Variants in JAKMIP1 observed in about 807,000 individuals in gnomAD.
JAKMIP1 encodes janus kinase and microtubule interacting protein 1.
JAKMIP1 carries 33 observed loss-of-function variants against 113.0 expected under a neutral mutation model. The observed-to-expected ratio is 0.29, with a 90% confidence interval of 0.22 to 0.39. The LOEUF (loss-of-function observed/expected upper bound fraction) is 0.39, where lower values mean the gene tolerates loss of function less well. JAKMIP1 is among the 10% of genes least tolerant of loss of function. JAKMIP1 has a pLI of 1.00. For missense variants in JAKMIP1, 813 were observed against 1,080.5 expected (o/e 0.75, Z 3.47); for synonymous variants, 480 against 459.9 (o/e 1.04, Z -0.56).
chr4:6,190,112 AGGAT>A lies in JAKMIP1; in HGVS notation c.-148+10137_-148+10140del, dbSNP rs528036327. On this transcript the variant is annotated intron_variant, in intron 1 of 20. Coordinates refer to ENST00000409021, the MANE Select transcript of JAKMIP1 (RefSeq NM_001099433.2). ...GTCTCCCCACTCCTGGGGCCCAAGA[AGGAT>A]GGAGAAGTGGCACCCGAGGAGCAGT... Among the ~76,000 whole-genome samples, 27 of 152,298 alleles carry A rather than the reference AGGAT, an allele frequency of 1.8e-4. No individual in the cohort carries two copies. In the South Asian group the frequency reaches 5.0e-3, roughly 28 times the overall value.
At position 6,129,294 on chromosome 4, in the gene JAKMIP1, G is replaced by C. The variant is rs140602184; in HGVS notation, c.-147-16297C>G. Among the ~76,000 whole-genome samples, 216 of 152,334 alleles carry C rather than the reference G, an allele frequency of 1.4e-3. 1 individual carries two copies. Among genetic ancestry groups the C allele is most frequent in the African/African-American group, 5.0e-3 (208 of 41,578 alleles). On this transcript the variant is annotated intron_variant, in intron 1 of 20. Coordinates refer to ENST00000409021, the MANE Select transcript of JAKMIP1 (RefSeq NM_001099433.2). This position sits in a 1 kb window ranked among gnomAD's most constrained non-coding sequence, Gnocchi z 5.4. ...ACAAGAGCTGGCACATGTGTGGTCA[G>C]ATGCTGGGCGTGGCCCCACCCCATG...
At chr4:6,046,269 C>G (rs559513345) in intron 16 of JAKMIP1, among the ~76,000 whole-genome samples, 1 of 152,354 alleles carries the variant, frequency 6.6e-6, no homozygotes, top group Admixed American at 6.5e-5. Context: ...AGCTCTTACA[C>G]CAACATCCTC....
chr4:6,185,184 T>C lies in JAKMIP1; in HGVS notation c.-148+15069A>G, dbSNP rs1251237154. The stretch of plus-strand genomic sequence containing the variant: ...GATGGCCTAATGTGGGGCTTCACCT[T>C]GTGATCTTGTGAGTCAATTATCCCA... On this transcript the variant is annotated intron_variant, in intron 1 of 20. Transcript: ENST00000409021. This position sits in a 1 kb window ranked among gnomAD's most constrained non-coding sequence, Gnocchi z 5.3. Among the ~76,000 whole-genome samples the C allele has an allele frequency of 6.6e-6, 1 of 152,248 alleles. No homozygotes were observed. Among genetic ancestry groups the C allele is most frequent in the Non-Finnish European group, 1.5e-5 (1 of 68,032 alleles).
At chr4:6,077,270 G>C (rs1389854916) in intron 8 of JAKMIP1, among the ~76,000 whole-genome samples, 4 of 152,168 alleles carry the variant, frequency 2.6e-5, no homozygotes, top group African/African-American at 7.2e-5. Context: ...AAGCCACAGA[G>C]ACACACAGGT....
At chr4:6,095,402 CAAA>C (rs1711573674) in intron 3 of JAKMIP1, among the ~76,000 whole-genome samples, 1 of 152,082 alleles carries the variant, frequency 6.6e-6, no homozygotes, top group Non-Finnish European at 1.5e-5. Flanking sequence ...AAAAATACAA[CAAA>C]GAACAGAGAA....
At chr4:6,060,585 G>T in intron 10 of JAKMIP1, 78 bp from the exon 11 acceptor site, 1 of 1,035,014 alleles carries the variant, frequency 9.7e-7, no homozygotes, top group Non-Finnish European at 1.5e-6. Flanking sequence ...ATGCCCCAAT[G>T]CAAGCAATGC....
At chr4:6,173,863 G>C (rs1168835784) in intron 1 of JAKMIP1, among the ~76,000 whole-genome samples, 3 of 152,114 alleles carry the variant, frequency 2.0e-5, no homozygotes, top group Non-Finnish European at 4.4e-5. Context: ...ATCGCTCGAG[G>C]CCAAGAGTTT....
chr4:6,036,394 G>A (rs771655146), intron 18 of JAKMIP1, among the ~76,000 whole-genome samples: 2 of 152,218 alleles, frequency 1.3e-5, no homozygotes, highest in Non-Finnish European at 2.9e-5. Flanking sequence ...ATTCCCTTAA[G>A]ATGCATGACT....
At chr4:6,134,193 G>A (rs887256478) in intron 1 of JAKMIP1, among the ~76,000 whole-genome samples, 2 of 152,112 alleles carry the variant, frequency 1.3e-5, no homozygotes, top group Non-Finnish European at 2.9e-5. Flanking sequence ...TCACATACTC[G>A]CTGTCTCCCG....
At chr4:6,071,954 T>G (rs1367113278) in intron 8 of JAKMIP1, among the ~76,000 whole-genome samples, 3 of 152,210 alleles carry the variant, frequency 2.0e-5, no homozygotes, top group Admixed American at 6.5e-5. Flanking sequence ...ATAAAAACTC[T>G]GAACCCCAGT....
chr4:6,092,486 G>C (rs145670204), intron 3 of JAKMIP1, among the ~76,000 whole-genome samples: 2 of 152,240 alleles, frequency 1.3e-5, no homozygotes, highest in Admixed American at 6.5e-5. Context: ...GGGAATGCAC[G>C]GGGCTTGGCA....
chr4:6,058,187 C>A (rs1204518798), intron 11 of JAKMIP1, among the ~76,000 whole-genome samples: 1 of 152,210 alleles, frequency 6.6e-6, no homozygotes. Context: ...ACAGAGAGGA[C>A]CTACCCCCCT....
intron 1 of JAKMIP1, among the ~76,000 whole-genome samples, chr4:6,120,922 C>T (rs769194145): frequency 9.2e-5 from 14 of 152,174 alleles, no homozygotes; most frequent in Admixed American, 2.6e-4. Context: ...GGCAGCAGGC[C>T]GGGCACAGTG....
chr4:6,046,740 G>A (rs902475214), intron 16 of JAKMIP1, among the ~76,000 whole-genome samples: 13 of 152,226 alleles, frequency 8.5e-5, no homozygotes, highest in African/African-American at 3.1e-4. Context: ...CAGAGGATGA[G>A]GAGCGCTGGG....
intron 1 of JAKMIP1, among the ~76,000 whole-genome samples, chr4:6,161,553 G>GGA (rs1722957711): frequency 6.8e-6 from 1 of 147,736 alleles, no homozygotes; most frequent in Non-Finnish European, 1.5e-5. Context: ...AAACTCAGTG[G>GGA]AAAAAAAAAA....
In JAKMIP1 at chr4:6,082,829, C is replaced by A. The variant is rs1257729452; in HGVS notation, c.955-1074G>T. Among the ~76,000 whole-genome samples, 5 of 152,092 alleles carry A rather than the reference C, an allele frequency of 3.3e-5. No individual in the cohort carries two copies. The South Asian group carries it at 1.0e-3, about 32-fold the overall frequency. On this transcript the variant is annotated intron_variant, in intron 5 of 20. Transcript: ENST00000409021. The stretch of plus-strand genomic sequence containing the variant: ...AGAAAGCGGCAACAGCCTAAAGATC[C>A]ACCACTGGGAAGAGAGGTGAACAGA...
At chr4:6,048,997 G>C in intron 15 of JAKMIP1, 75 bp from the exon 16 acceptor site, 1 of 881,698 alleles carries the variant, frequency 1.1e-6, no homozygotes, top group Non-Finnish European at 1.7e-6. Context: ...CACCAAGCAA[G>C]TTTTTTTTTT....
At chr4:6,110,109 C>T (rs963337215) in intron 2 of JAKMIP1, among the ~76,000 whole-genome samples, 9 of 152,126 alleles carry the variant, frequency 5.9e-5, no homozygotes, top group Non-Finnish European at 1.3e-4. Flanking sequence ...GTGTGTGGGG[C>T]TAAACTGTGT....
intron 20 of JAKMIP1, among the ~76,000 whole-genome samples, chr4:6,026,668 G>A (rs1711856474): frequency 6.6e-6 from 1 of 151,798 alleles, no homozygotes; most frequent in African/African-American, 2.4e-5. Flanking sequence ...CCAAGAGACG[G>A]GGGCGTGATG....
Sources: gnomAD v4.1 joint callset for allele counts (sites outside exome capture counted in the v4.1 genomes callset) on GRCh38, gnomAD v4.1.1 for gene constraint, Gnocchi (gnomAD v3.1) non-coding constraint, MANE v1.5 for transcripts, NCBI Gene and HGNC (gene_info 2026-07-23, HGNC 2026-07-21) for gene names.